CGNL1: variants seen among roughly 807,000 people sequenced by gnomAD.
CGNL1 encodes cingulin like 1, also known as cingulin-like protein 1.
A neutral mutation model predicts 141.2 loss-of-function variants in CGNL1; 132 were observed. The observed-to-expected ratio is 0.93, with a 90% CI of 0.81 to 1.08. CGNL1 has a LOEUF of 1.08. Among genes scored for constraint, CGNL1 ranks in the 50% least tolerant of loss-of-function variants. The pLI is 0.00. For synonymous variants in CGNL1, 690 were observed against 622.1 expected (o/e 1.11, Z -1.63); for missense variants, 1,870 against 1,588.6 (o/e 1.18, Z -3.01).
At chr15:57,535,262 G>C (rs1330891280) in intron 14 of CGNL1, among the ~76,000 whole-genome samples, 1 of 152,200 alleles carries the variant, frequency 6.6e-6, no homozygotes, top group Non-Finnish European at 1.5e-5. Context: ...TTGCAGTAAA[G>C]CTCCAAGAGG....
At chr15:57,379,048 T>TG (rs1212230676) in intron 1 of CGNL1, among the ~76,000 whole-genome samples, 3,803 of 151,564 alleles carry the variant, frequency 0.025, 66 homozygotes, top group South Asian at 0.035. Flanking sequence ...ACTGTTTTTT[T>TG]TGTGTGTGTG....
intron 14 of CGNL1, among the ~76,000 whole-genome samples, chr15:57,543,457 A>G (rs530192291): frequency 4.6e-5 from 7 of 152,320 alleles, no homozygotes; most frequent in South Asian, 4.1e-4. Context: ...TTCAACCCCT[A>G]ACAGCAGGGC....
At chr15:57,415,104 A>C (rs1254767478) in intron 1 of CGNL1, among the ~76,000 whole-genome samples, 6 of 152,164 alleles carry the variant, frequency 3.9e-5, no homozygotes, top group African/African-American at 7.2e-5. Context: ...GATCAAATAC[A>C]TCTCCTTATC....
At chr15:57,428,259 GA>G (rs2063001891) in intron 1 of CGNL1, among the ~76,000 whole-genome samples, 1 of 152,240 alleles carries the variant, frequency 6.6e-6, no homozygotes, top group African/African-American at 2.4e-5. Context: ...GTGGGAGGCA[GA>G]AAAGTGAAAA....
chr15:57,444,094 T>G (rs1395629656), intron 4 of CGNL1, among the ~76,000 whole-genome samples: 1 of 152,230 alleles, frequency 6.6e-6, no homozygotes, highest in African/African-American at 2.4e-5. Flanking sequence ...CCTGGGTTTC[T>G]TCCCCCATCA....
chr15:57,437,427 T>C (rs1567115170), intron 1 of CGNL1, among the ~76,000 whole-genome samples: 1 of 151,030 alleles, frequency 6.6e-6, no homozygotes, highest in Non-Finnish European at 1.5e-5. Context: ...AGCAAGATTG[T>C]GGGTAAAAAA....
At chr15:57,495,778 A>G (rs1352915655) in intron 8 of CGNL1, among the ~76,000 whole-genome samples, 3 of 152,300 alleles carry the variant, frequency 2.0e-5, no homozygotes, top group African/African-American at 4.8e-5. Context: ...ATTTTCCCTG[A>G]TGTAGATAGA....
intron 8 of CGNL1, among the ~76,000 whole-genome samples, chr15:57,482,848 G>A (rs1398851432): frequency 1.3e-5 from 2 of 150,834 alleles, no homozygotes; most frequent in East Asian, 3.9e-4. Context: ...GCAATGGCAT[G>A]ATCTCTGCTC....
intron 14 of CGNL1, among the ~76,000 whole-genome samples, chr15:57,542,949 G>A (rs1398641619): frequency 1.3e-5 from 2 of 152,212 alleles, no homozygotes; most frequent in Non-Finnish European, 2.9e-5. Flanking sequence ...TTGTTTGTGA[G>A]TGTCATAGGA....
chr15:57,475,954 C>G (rs376443398), intron 8 of CGNL1, among the ~76,000 whole-genome samples: 2 of 152,100 alleles, frequency 1.3e-5, no homozygotes, highest in Admixed American at 1.3e-4. Context: ...CTTTGAAATC[C>G]CCAGGGTCTT....
intron 8 of CGNL1, among the ~76,000 whole-genome samples, chr15:57,468,882 C>T (rs752720821): frequency 4.6e-5 from 7 of 152,136 alleles, no homozygotes; most frequent in South Asian, 2.1e-4. Flanking sequence ...CAGGGATTTC[C>T]GCTTTTGCGC....
rs2063158625 is a variant in CGNL1 at position 57,439,547 on chromosome 15, T to G, written c.1548T>G (p.Asp516Glu). ...LQNRATATSPDSGAKKISVKT... is the reference protein window; with the variant it reads ...LQNRATATSPESGAKKISVKT... ...ACCGGGCAACAGCAACTTCGCCTGA[T>G]TCTGGTGCCAAGAAAATTTCCGTGA... is the stretch of plus-strand genomic sequence containing the variant. The change falls in exon 2 of 19, where the codon GAT (aspartate) becomes GAG (glutamate). Residue 516 changes from aspartate to glutamate, a missense_variant. Transcript: ENST00000281282. The G allele has an allele frequency of 6.2e-7, 1 of 1,614,082 alleles. No individual in the cohort carries two copies.
At chr15:57,475,526 TGTGTGTG>T (rs2063643567) in intron 8 of CGNL1, among the ~76,000 whole-genome samples, 1 of 150,448 alleles carries the variant, frequency 6.6e-6, no homozygotes, top group African/African-American at 2.5e-5. Context: ...TGTGTGTGTG[TGTGTGTG>T]TGTTTTCTTT....
At chr15:57,545,098 C>G (rs1448701949) in intron 16 of CGNL1, among the ~76,000 whole-genome samples, 3 of 152,184 alleles carry the variant, frequency 2.0e-5, no homozygotes, top group Non-Finnish European at 4.4e-5. Flanking sequence ...TTCTCTGCAG[C>G]TAACTCTCTA....
At chr15:57,489,360 T>G (rs774399940) in intron 8 of CGNL1, among the ~76,000 whole-genome samples, 4 of 152,230 alleles carry the variant, frequency 2.6e-5, no homozygotes, top group African/African-American at 4.8e-5. Context: ...AGTTATCATG[T>G]CAGGTATGTG....
At chr15:57,391,586 A>G (rs1157796141) in intron 1 of CGNL1, among the ~76,000 whole-genome samples, 6 of 152,240 alleles carry the variant, frequency 3.9e-5, no homozygotes, top group Non-Finnish European at 8.8e-5. Context: ...TTGCAAGTAA[A>G]CAAAACTCAG....
intron 14 of CGNL1, among the ~76,000 whole-genome samples, chr15:57,537,594 C>A (rs1435554106): frequency 3.3e-5 from 5 of 152,108 alleles, no homozygotes; most frequent in African/African-American, 1.2e-4. Flanking sequence ...GCTTGCCGAC[C>A]TCTTTACAGC....
At chr15:57,414,874 C>G (rs535040468) in intron 1 of CGNL1, among the ~76,000 whole-genome samples, 6 of 152,312 alleles carry the variant, frequency 3.9e-5, no homozygotes, top group African/African-American at 1.2e-4. Context: ...TCATATATTG[C>G]ATTGTCTATG....
chr15:57,497,634 G>T (rs1179029590), intron 8 of CGNL1, among the ~76,000 whole-genome samples: 10 of 152,228 alleles, frequency 6.6e-5, no homozygotes, highest in African/African-American at 2.4e-4. Context: ...GAAAGAGAGG[G>T]CTACAGTTTC....
Sources: gnomAD v4.1 joint callset for allele counts (sites outside exome capture counted in the v4.1 genomes callset) on GRCh38, gnomAD v4.1.1 for gene constraint, MANE v1.5 for transcripts, NCBI Gene and HGNC (gene_info 2026-07-23, HGNC 2026-07-21) for gene names.